FRMD3: variants seen among roughly 807,000 people sequenced by gnomAD.
The protein encoded by FRMD3 is FERM domain containing 3.
FRMD3 carries 33 observed loss-of-function variants against 70.2 expected under a neutral mutation model. The ratio of observed to expected loss-of-function variants is 0.47; its 90% CI spans 0.36 to 0.63. The LOEUF (loss-of-function observed/expected upper bound fraction) is 0.63. FRMD3 is among the 20% of genes least tolerant of loss of function. The probability of loss-of-function intolerance (pLI) is 0.00; values close to 1 mark genes in which losing one functional copy is unlikely to be tolerated. For missense variants in FRMD3, 632 were observed against 711.4 expected, an observed-to-expected ratio of 0.89 and a Z score of 1.27; for synonymous variants, 279 against 255.9, an observed-to-expected ratio of 1.09 and a Z score of -0.86.
chr9:83,525,058 T>C (rs1206452705), intron 1 of FRMD3, among the ~76,000 whole-genome samples: 3 of 152,214 alleles, frequency 2.0e-5, no homozygotes, highest in Non-Finnish European at 4.4e-5. Flanking sequence ...AAAGACTGCT[T>C]GATTTTTATC....
intron 12 of FRMD3, among the ~76,000 whole-genome samples, chr9:83,294,206 T>C (rs939468304): frequency 6.6e-6 from 1 of 152,336 alleles, no homozygotes; most frequent in South Asian, 2.1e-4. Context: ...CCTTCTGCCA[T>C]GTGAGGACAC....
intron 1 of FRMD3, among the ~76,000 whole-genome samples, chr9:83,434,819 C>CT (rs757810185): frequency 0.041 from 3,053 of 74,998 alleles, 116 homozygotes; most frequent in East Asian, 0.07. Flanking sequence ...CACCCCTCTG[C>CT]TTTTTTTTTT....
chr9:83,538,130 G>A lies in FRMD3; in HGVS notation c.102C>T (p.Cys34=). The A allele has an allele frequency of 1.9e-6, 3 of 1,613,598 alleles. No homozygotes were observed. Among genetic ancestry groups the A allele is most frequent in the Non-Finnish European group, 2.5e-6 (3 of 1,179,762 alleles). ...SVKSLSQEMR[C]TIRLLDDSEI... ...CCGAGTCGTCCAGCAGCCGGATGGT[G>A]CATCTCATCTCCTGGCTGAGCGATT... is the stretch of plus-strand genomic sequence containing the variant. The change falls in exon 1 of 14, where the codon TGC becomes TGT. Residue 34 remains cysteine, a synonymous_variant. Coordinates refer to ENST00000304195, the MANE Select transcript of FRMD3 (RefSeq NM_174938.6). The surrounding 1 kb of genome is among the most constrained non-coding windows in gnomAD (Gnocchi z 4.7).
intron 1 of FRMD3, among the ~76,000 whole-genome samples, chr9:83,406,059 T>C (rs17086225): frequency 0.1 from 15,863 of 152,130 alleles, 875 homozygotes; most frequent in East Asian, 0.14. Flanking sequence ...TACTGAGAAT[T>C]TGGCTGTGCC....
chr9:83,522,561 A>G (rs1467329575), intron 1 of FRMD3, among the ~76,000 whole-genome samples: 1 of 127,524 alleles, frequency 7.8e-6, no homozygotes, highest in Admixed American at 8.7e-5. Context: ...ATATATATAT[A>G]TATAATTTTT....
intron 6 of FRMD3, 110 bp downstream of exon 6, chr9:83,335,406 C>G (rs958027321): frequency 2.6e-6 from 3 of 1,169,282 alleles, no homozygotes; most frequent in African/African-American, 3.0e-5. Context: ...GCAAAACAGC[C>G]TATCCATACA....
intron 1 of FRMD3, among the ~76,000 whole-genome samples, chr9:83,433,685 G>A (rs188376271): frequency 6.6e-6 from 1 of 152,304 alleles, no homozygotes; most frequent in East Asian, 1.9e-4. Flanking sequence ...TGAGGGTGAT[G>A]GGAGACAGTG....
chr9:83,556,738 T>TA, the FRMD3 span, among the ~76,000 whole-genome samples: 3 of 152,070 alleles, frequency 2.0e-5, no homozygotes, highest in South Asian at 2.1e-4. Flanking sequence ...TTCAACTTAT[T>TA]AAGAGATATT....
intron 13 of FRMD3, among the ~76,000 whole-genome samples, chr9:83,283,221 T>C (rs975318454): frequency 1.3e-5 from 2 of 152,086 alleles, no homozygotes; most frequent in African/African-American, 4.8e-5. Context: ...CAAACTGTGA[T>C]GCTGTCTTCA....
intron 5 of FRMD3, among the ~76,000 whole-genome samples, chr9:83,337,300 T>C (rs570638839): frequency 7.9e-4 from 120 of 152,246 alleles, no homozygotes; most frequent in African/African-American, 2.8e-3. Flanking sequence ...TGCAACCCTT[T>C]GTGAGAAATA....
chr9:83,273,878 C>T (rs2118838234), intron 13 of FRMD3, among the ~76,000 whole-genome samples: 1 of 152,228 alleles, frequency 6.6e-6, no homozygotes, highest in East Asian at 1.9e-4. Context: ...TTCAGTGGCC[C>T]ATCCATAGCT....
At chr9:83,540,647 C>A (rs1829989652), upstream of FRMD3, among the ~76,000 whole-genome samples, 1 of 151,876 alleles carries the variant, frequency 6.6e-6, no homozygotes, top group Non-Finnish European at 1.5e-5. Flanking sequence ...TGGCCATTGT[C>A]AACAATAATA....
chr9:83,332,034 A>G (rs973649165), intron 6 of FRMD3: 50 of 636,102 alleles, frequency 7.9e-5, no homozygotes, highest in Admixed American at 5.2e-4. Flanking sequence ...CCTGAGTGAC[A>G]ATGGTGGGCG....
chr9:83,508,278 G>A (rs1024821082), intron 1 of FRMD3, among the ~76,000 whole-genome samples: 3 of 152,200 alleles, frequency 2.0e-5, no homozygotes, highest in Non-Finnish European at 4.4e-5. Context: ...TGGTGCCTGT[G>A]AGGAGGCATA....
At chr9:83,301,525 T>TTAA (rs371383291) in intron 10 of FRMD3, among the ~76,000 whole-genome samples, 1 of 141,810 alleles carries the variant, frequency 7.1e-6, no homozygotes, top group Non-Finnish European at 1.5e-5. Flanking sequence ...GTGGTTGGCT[T>TTAA]AAAAAAAAAA....
rs189213408 is a variant in FRMD3 at position 83,450,980 on chromosome 9, G to C, written c.148-61272C>G. Among the ~76,000 whole-genome samples the C allele has an allele frequency of 4.0e-3, 604 of 152,288 alleles. 6 individuals are homozygous for C. The highest frequency in any genetic ancestry group is 0.011 in the African/African-American group (462 of 41,562). ...CCCCAAATGTGAAGTATGTATAGGT[G>C]CTCTGAGGCATCAGCAATCCACTGC... On this transcript the variant is annotated intron_variant, in intron 1 of 13. Coordinates refer to ENST00000304195, the MANE Select transcript of FRMD3 (RefSeq NM_174938.6).
At chr9:83,417,002 T>C (rs1012553321) in intron 1 of FRMD3, among the ~76,000 whole-genome samples, 1 of 152,144 alleles carries the variant, frequency 6.6e-6, no homozygotes, top group African/African-American at 2.4e-5. Context: ...CTTTCTCCTT[T>C]CACCCAGGCC....
rs895125045 is a variant in FRMD3 at position 83,376,983 on chromosome 9, C to T, written c.253-4028G>A. Among the ~76,000 whole-genome samples the T allele has an allele frequency of 9.2e-5, 14 of 151,996 alleles. No individual in the cohort carries two copies. The South Asian group carries it at 1.0e-3, about 11-fold the overall frequency. ...GTTGTTTAAGAATGAAATGAAAATACTATTTTTTCTGCAATTTATATGTAT... is the reference window on the plus strand; with the variant it reads ...GTTGTTTAAGAATGAAATGAAAATATTATTTTTTCTGCAATTTATATGTAT... On this transcript the variant is annotated intron_variant, in intron 2 of 13. Coordinates refer to ENST00000304195, the MANE Select transcript of FRMD3 (RefSeq NM_174938.6).
chr9:83,487,351 C>T (rs1049294451), intron 1 of FRMD3, among the ~76,000 whole-genome samples: 27 of 152,168 alleles, frequency 1.8e-4, no homozygotes, highest in African/African-American at 6.5e-4. Flanking sequence ...CTTCCCTCCC[C>T]CAAAAAACAG....
Sources: allele counts gnomAD v4.1 joint callset (sites outside exome capture counted in the v4.1 genomes callset), GRCh38; gene constraint gnomAD v4.1.1; non-coding constraint Gnocchi (gnomAD v3.1); transcripts MANE v1.5; gene names NCBI Gene and HGNC (gene_info 2026-07-23, HGNC 2026-07-21).